The following ITCH variants were observed in gnomAD, a reference collection of about 807,000 sequenced individuals.
ITCH encodes the protein itchy E3 ubiquitin protein ligase, also known as E3 ubiquitin-protein ligase Itchy homolog.
ITCH carries 28 observed loss-of-function variants against 126.8 expected under a neutral mutation model. The ratio of observed to expected loss-of-function variants is 0.22; its 90% CI spans 0.16 to 0.30. The LOEUF (loss-of-function observed/expected upper bound fraction) is 0.30, where lower values mean the gene tolerates loss of function less well. Among genes scored for constraint, ITCH ranks in the 10% least tolerant of loss-of-function variants. ITCH has a pLI of 1.00. For missense variants in ITCH, 631 were observed against 1,032.4 expected, an observed-to-expected ratio of 0.61 and a Z score of 5.33; for synonymous variants, 342 against 340.0, an observed-to-expected ratio of 1.01 and a Z score of -0.06.
chr20:34,456,160 G>T (rs966227201), intron 12 of ITCH, among the ~76,000 whole-genome samples: 16 of 26,924 alleles, frequency 5.9e-4, no homozygotes, highest in African/African-American at 2.7e-3. Context: ...TTTATATATT[G>T]TGTGTGTGTG....
chr20:34,475,316 G>T (rs919112708), intron 16 of ITCH, among the ~76,000 whole-genome samples: 1 of 152,162 alleles, frequency 6.6e-6, no homozygotes, highest in African/African-American at 2.4e-5. Context: ...CTGGGAGGTG[G>T]AGGTTGTAGC....
chr20:34,462,146 A>G lies in ITCH; in HGVS notation c.1349A>G (p.Asp450Gly). ...PEGWEMRFTV[D>G]GIPYFVDHNR... The stretch of plus-strand genomic sequence containing the variant: ...GGTTGGGAAATGAGATTCACAGTGG[A>G]TGGAATTCCATATTTTGTGGACCAC... Residue 450 changes from aspartate to glycine, a missense_variant, in exon 14 of 25, where the codon GAT becomes GGT. This residue lies in a region of ITCH where 390 missense variants were observed against 731.6 expected (regional missense o/e 0.53). Transcript: ENST00000374864. The G allele has an allele frequency of 6.2e-7, 1 of 1,613,180 alleles. No individual in the cohort carries two copies. Among genetic ancestry groups the G allele is most frequent in the East Asian group, 2.2e-5 (1 of 44,846 alleles).
intron 7 of ITCH, among the ~76,000 whole-genome samples, chr20:34,429,550 C>T (rs1568931118): frequency 2.0e-5 from 3 of 152,210 alleles, no homozygotes; most frequent in East Asian, 1.9e-4. Context: ...ATTTTGAGAA[C>T]ACAATGGTTA....
chr20:34,483,483 A>G (rs984797049), intron 20 of ITCH, among the ~76,000 whole-genome samples: 2 of 152,104 alleles, frequency 1.3e-5, no homozygotes, highest in African/African-American at 4.8e-5. Context: ...GTACAAATCC[A>G]CCAGTCTCTA....
Position 34,464,249 on chromosome 20 carries a change from A to G in ITCH, c.1424+2028A>G, listed in dbSNP as rs1162924631. 2.0e-5 allele frequency among the ~76,000 whole-genome samples: 3 copies of G among 150,674 alleles called. No individual in the cohort carries two copies. The East Asian group carries it at 5.8e-4, about 29-fold the overall frequency. On this transcript the variant is annotated intron_variant, in intron 14 of 24. Coordinates refer to ENST00000374864, the MANE Select transcript of ITCH (RefSeq NM_031483.7). ...GTGATCCACCCACCTCAGTCTCCCA[A>G]AGTGCTGGGATTACAGGCGTGAGCC...
rs1240470718 is a variant in ITCH, at chr20:34,396,035, AT to A, written c.70+2169del. Among the ~76,000 whole-genome samples, 523 of 136,690 alleles carry A rather than the reference AT, an allele frequency of 3.8e-3. 2 individuals are homozygous for A. Among genetic ancestry groups the A allele is most frequent in the African/African-American group, 9.8e-3 (357 of 36,456 alleles). 89.7% of individuals were successfully genotyped at this position (136,690 alleles called of 152,430 possible). A position where few individuals can be genotyped will look rare whatever the true frequency, so the allele number is the denominator to read the frequency against. ...GGAATTCCAAATTATTATTATTATT[AT>A]TTTTTTTTTTTTTTGGAGACAGAGT... On this transcript the variant is annotated intron_variant, in intron 3 of 24. Transcript: ENST00000374864.
rs538168860 is a variant in ITCH at position 34,379,003 on chromosome 20, A to G, written c.-22+9533A>G. ...TTTTTTCTGTTCTTAAGTTTTTTGG[A>G]GGAAAGCTATTTACTATAGGTCTTA... On this transcript the variant is annotated intron_variant, in intron 2 of 24. Transcript: ENST00000374864. Among the ~76,000 whole-genome samples the G allele has an allele frequency of 4.6e-5, 7 of 152,202 alleles. No individual in the cohort carries two copies. The South Asian group carries it at 1.0e-3, about 23-fold the overall frequency.
At chr20:34,497,518 A>C (rs1347056362) in intron 23 of ITCH, among the ~76,000 whole-genome samples, 4 of 152,110 alleles carry the variant, frequency 2.6e-5, no homozygotes, top group African/African-American at 9.7e-5. Flanking sequence ...TTTGTAGTTC[A>C]GTATGAGTTT....
chr20:34,445,225 T>C, intron 10 of ITCH, 62 bp from the exon 11 acceptor site: 2 of 1,573,924 alleles, frequency 1.3e-6, no homozygotes, highest in Non-Finnish European at 1.7e-6. Context: ...GGTAAAATAT[T>C]CTATCTGTTT....
intron 7 of ITCH, among the ~76,000 whole-genome samples, chr20:34,435,689 G>A (rs1982919152): frequency 6.6e-6 from 1 of 152,192 alleles, no homozygotes; most frequent in Non-Finnish European, 1.5e-5. Flanking sequence ...TTGTTGGTCT[G>A]AGAGAATAGT....
At chr20:34,471,394 A>G (rs753989108) in intron 15 of ITCH, 50 bp from the exon 16 acceptor site, 1 of 1,053,290 alleles carries the variant, frequency 9.5e-7, no homozygotes, top group Non-Finnish European at 1.5e-6. Flanking sequence ...GATTTTTTTG[A>G]TAGGCTATTT....
intron 15 of ITCH, 89 bp from the exon 16 acceptor site, chr20:34,471,355 G>A: frequency 1.3e-6 from 1 of 774,794 alleles, no homozygotes; most frequent in Non-Finnish European, 2.3e-6. Flanking sequence ...TGTAAGGAAA[G>A]ATAAAAGTAA....
intron 3 of ITCH, among the ~76,000 whole-genome samples, chr20:34,407,638 T>G (rs1463108690): frequency 6.6e-6 from 1 of 152,188 alleles, no homozygotes; most frequent in Non-Finnish European, 1.5e-5. Flanking sequence ...CATTCCTTCC[T>G]GTGCTTGCTA....
intron 2 of ITCH, among the ~76,000 whole-genome samples, chr20:34,371,041 G>A (rs940503886): frequency 9.9e-5 from 15 of 151,296 alleles, no homozygotes; most frequent in Admixed American, 6.6e-5. Flanking sequence ...GGTGGCGGGC[G>A]CCTGTAGTCC....
At chr20:34,387,054 G>T (rs1278273621) in intron 2 of ITCH, among the ~76,000 whole-genome samples, 1 of 152,144 alleles carries the variant, frequency 6.6e-6, no homozygotes, top group African/African-American at 2.4e-5. Flanking sequence ...TGTAATCTCA[G>T]CACTTTGGGA....
At chr20:34,398,087 G>A (rs905145211) in intron 3 of ITCH, among the ~76,000 whole-genome samples, 17 of 151,342 alleles carry the variant, frequency 1.1e-4, no homozygotes, top group African/African-American at 4.1e-4. Context: ...TTTTGAGATG[G>A]GGTCTCACCC....
rs953810950 is a variant in ITCH, at chr20:34,510,886, A to G, written c.*3092A>G. The G allele has an allele frequency of 6.6e-6, 1 of 152,196 alleles. No homozygotes were observed. The highest frequency in any genetic ancestry group is 6.5e-5 in the Admixed American group (1 of 15,280). 9.4% of individuals were successfully genotyped at this position (152,196 alleles called of 1,614,324 possible). A position where few individuals can be genotyped will look rare whatever the true frequency, so the allele number is the denominator to read the frequency against. The stretch of plus-strand genomic sequence containing the variant: ...GAGATTGACATACCAATGATCAGAA[A>G]TTTTAGTGAAACTTGACTCAACTAT... On this transcript the variant is annotated 3_prime_UTR_variant, in exon 25 of 25. Transcript: ENST00000374864.
intron 3 of ITCH, among the ~76,000 whole-genome samples, chr20:34,407,592 A>G (rs754251484): frequency 6.6e-6 from 1 of 152,156 alleles, no homozygotes; most frequent in African/African-American, 2.4e-5. Context: ...CTTGGTTTAT[A>G]AAGCTCCCAT....
intron 6 of ITCH, among the ~76,000 whole-genome samples, chr20:34,421,764 C>G (rs1046392469): frequency 3.9e-5 from 6 of 152,104 alleles, no homozygotes; most frequent in Admixed American, 3.9e-4. Context: ...TCCCAGCACT[C>G]TGGGAAGCCA....
Sources: gnomAD v4.1 joint callset for allele counts (sites outside exome capture counted in the v4.1 genomes callset) on GRCh38, gnomAD v4.1.1 for gene constraint, gnomAD v4.1.1 regional missense constraint, MANE v1.5 for transcripts, NCBI Gene and HGNC (gene_info 2026-07-23, HGNC 2026-07-21) for gene names.